Variants in HERC2 observed in about 807,000 individuals in gnomAD.
HERC2 encodes the protein HECT and RLD domain containing E3 ubiquitin protein ligase 2, also known as E3 ubiquitin-protein ligase HERC2.
A neutral mutation model predicts 537.7 loss-of-function variants in HERC2; 102 were observed. The observed-to-expected ratio is 0.19, with a 90% CI of 0.16 to 0.22. The LOEUF (loss-of-function observed/expected upper bound fraction) is 0.22, where lower values mean the gene tolerates loss of function less well. Among genes scored for constraint, HERC2 ranks in the 10% least tolerant of loss-of-function variants. The pLI is 1.00. For missense variants in HERC2, 4,236 were observed against 6,198.2 expected, an observed-to-expected ratio of 0.68 and a Z score of 10.63; for synonymous variants, 2,224 against 2,466.2, an observed-to-expected ratio of 0.90 and a Z score of 2.91.
At chr15:28,244,493 G>A (rs895279597) in intron 23 of HERC2, among the ~76,000 whole-genome samples, 10 of 152,166 alleles carry the variant, frequency 6.6e-5, no homozygotes, top group African/African-American at 2.2e-4. Flanking sequence ...GAGTTTGGGA[G>A]GGTCCTGCCA....
intron 38 of HERC2, among the ~76,000 whole-genome samples, chr15:28,217,085 C>T (rs918909140): frequency 1.4e-4 from 21 of 152,172 alleles, no homozygotes; most frequent in Non-Finnish European, 2.8e-4. Flanking sequence ...CACAAATGCT[C>T]GCACTCAATC....
chr15:28,313,152 T>C (rs1456078666), intron 2 of HERC2, among the ~76,000 whole-genome samples: 2 of 147,714 alleles, frequency 1.4e-5, no homozygotes, highest in South Asian at 2.2e-4. Context: ...CCACCAATAT[T>C]TTAATACCAA....
intron 2 of HERC2, among the ~76,000 whole-genome samples, chr15:28,301,733 GTGTATA>G (rs1198708423): frequency 0.04 from 1,223 of 30,868 alleles, 54 homozygotes; most frequent in East Asian, 0.17. Flanking sequence ...TTGTATGTAT[GTGTATA>G]TATATATATA....
At position 28,163,227 on chromosome 15, in the gene HERC2, G is replaced by C. The variant is rs147074935; in HGVS notation, c.10613C>G (p.Thr3538Ser). ...GPEPQALDEF[T>S]SLLIADDTRV... Reference sequence around the variant, plus strand: ...AGTGTCATCCGCAATCAGCAGACTGGTGAACTCATCCAAGGCCTGAGGCTC... The same window carrying C: ...AGTGTCATCCGCAATCAGCAGACTGCTGAACTCATCCAAGGCCTGAGGCTC... The change falls in exon 69 of 93, where the codon ACC becomes AGC. Residue 3538 changes from threonine to serine, a missense_variant. By Grantham distance (58) the Thr-to-Ser change is moderately conservative. Coordinates refer to ENST00000261609, the MANE Select transcript of HERC2 (RefSeq NM_004667.6). The C allele has an allele frequency of 1.2e-5, 20 of 1,613,816 alleles. No homozygotes were observed. Among genetic ancestry groups the C allele is most frequent in the Middle Eastern group, 3.3e-4 (2 of 6,084 alleles).
intron 8 of HERC2, among the ~76,000 whole-genome samples, chr15:28,272,649 G>A (rs1233025594): frequency 6.7e-6 from 1 of 149,470 alleles, no homozygotes; most frequent in Non-Finnish European, 1.5e-5. Flanking sequence ...TAAATTCATG[G>A]AATAAAAATA....
intron 4 of HERC2, among the ~76,000 whole-genome samples, chr15:28,286,115 G>A (rs1327723897): frequency 4.6e-5 from 7 of 151,708 alleles, no homozygotes; most frequent in African/African-American, 1.5e-4. Flanking sequence ...GAATTAACAC[G>A]GACTCAAAAC....
intron 69 of HERC2, among the ~76,000 whole-genome samples, chr15:28,154,439 CCTTATT>C (rs1892777541): frequency 6.6e-6 from 1 of 152,208 alleles, no homozygotes. Context: ...ACGGCCGTAT[CCTTATT>C]CTTGTCTCTC....
intron 48 of HERC2, among the ~76,000 whole-genome samples, chr15:28,200,873 A>G (rs1678605461): frequency 7.0e-6 from 1 of 142,194 alleles, no homozygotes; most frequent in African/African-American, 2.7e-5. Flanking sequence ...AAATATACTA[A>G]AACAAGAGAA....
Position 28,132,672 on chromosome 15 carries a change from T to C in HERC2, c.12389A>G (p.Asp4130Gly), listed in dbSNP as rs751745989. 6.4e-7 allele frequency: 1 copy of C among 1,562,316 alleles called. No individual in the cohort carries two copies. The highest frequency in any genetic ancestry group is 8.7e-7 in the Non-Finnish European group (1 of 1,153,100). ...YGRLGHSDSE[D>G]QLKPKLVEAL... Reference sequence around the variant, plus strand: ...CCTCACCAGCTTCGGCTTCAGCTGGTCCTCACTGTCGCTGTGCCCCAGCCG... The same window carrying C: ...CCTCACCAGCTTCGGCTTCAGCTGGCCCTCACTGTCGCTGTGCCCCAGCCG... The change falls in exon 80 of 93, where the codon GAC (aspartate) becomes GGC (glycine). Residue 4130 changes from aspartate (D) to glycine (G), a missense_variant. By Grantham distance (94) the Asp-to-Gly change is moderately conservative (BLOSUM62 -1). Transcript: ENST00000261609.
Position 28,168,583 on chromosome 15 carries a change from C to T in HERC2, c.10237G>A (p.Val3413Ile), listed in dbSNP as rs1894386917. The T allele has an allele frequency of 6.2e-7, 1 of 1,613,378 alleles. No individual in the cohort carries two copies. Among genetic ancestry groups the T allele is most frequent in the South Asian group, 1.1e-5 (1 of 90,970 alleles). The change falls in exon 67 of 93, where the codon GTT becomes ATT. Residue 3413 changes from valine to isoleucine, a missense_variant. By Grantham distance (29) the Val-to-Ile change is conservative (BLOSUM62 3). Transcript: ENST00000261609. ...ALQIMYARDA[V>I]VGALMPAAMI... Reference sequence around the variant, plus strand: ...GCGGCCGGCATCAGGGCCCCGACAACAGCATCTCTGTCAGGACACAAAGCC... The same window carrying T: ...GCGGCCGGCATCAGGGCCCCGACAATAGCATCTCTGTCAGGACACAAAGCC...
At chr15:28,278,061 G>A (rs999552673) in intron 5 of HERC2, among the ~76,000 whole-genome samples, 9 of 151,178 alleles carry the variant, frequency 6.0e-5, no homozygotes, top group African/African-American at 2.2e-4. Context: ...TTCAAGACCA[G>A]CCCGGGCAAC....
intron 2 of HERC2, among the ~76,000 whole-genome samples, chr15:28,300,110 C>A (rs866447776): frequency 6.6e-6 from 1 of 150,646 alleles, no homozygotes; most frequent in African/African-American, 2.4e-5. Context: ...AACACACACA[C>A]GTGCATGTGC....
At chr15:28,272,144 A>G in intron 9 of HERC2, 71 bp downstream of exon 9, 1 of 1,356,608 alleles carries the variant, frequency 7.4e-7, no homozygotes, top group Non-Finnish European at 1.0e-6. Flanking sequence ...GTTGACATGC[A>G]TGCTAGTCTT....
chr15:28,318,204 T>C (rs190775928), intron 2 of HERC2, among the ~76,000 whole-genome samples: 4 of 152,296 alleles, frequency 2.6e-5, no homozygotes, highest in East Asian at 3.9e-4. Context: ...TCACATCAGA[T>C]TACAAGTACT....
Position 28,274,303 on chromosome 15 carries a change from G to C in HERC2, c.788C>G (p.Ser263Cys), listed in dbSNP as rs777830266. The C allele has an allele frequency of 1.7e-5, 27 of 1,614,070 alleles. No homozygotes were observed. Among genetic ancestry groups the C allele is most frequent in the Non-Finnish European group, 2.3e-5 (27 of 1,180,034 alleles). The change falls in exon 7 of 93, where the codon TCC becomes TGC. Residue 263 changes from serine to cysteine, a missense_variant. Ser to Cys is a moderately radical substitution (Grantham distance 112). Around this residue, in one of 27 missense-constraint regions of HERC2, gnomAD observed 491 missense variants for 559.3 expected, o/e 0.88. Coordinates refer to ENST00000261609, the MANE Select transcript of HERC2 (RefSeq NM_004667.6). The part of the protein sequence containing the change: ...VVERATRFLR[S>C]VVTGDVHGTP... ...GGAAAGAACTCACCCCGTCACGACG[G>C]ACCTGAGGAACCTGGTCGCTCTCTC...
chr15:28,168,622 G>A, intron 66 of HERC2, 32 bp from the exon 67 acceptor site: 1 of 1,596,148 alleles, frequency 6.3e-7, no homozygotes, highest in Non-Finnish European at 8.5e-7. Context: ...CCTGTGGTGA[G>A]CTGCCCCTTC....
chr15:28,149,916 C>G (rs1892237183), intron 70 of HERC2, among the ~76,000 whole-genome samples: 1 of 149,688 alleles, frequency 6.7e-6, no homozygotes, highest in Non-Finnish European at 1.5e-5. Flanking sequence ...TCACCAAGAA[C>G]AGCCACACGA....
chr15:28,321,587 G>C (rs1404637900), intron 1 of HERC2, 123 bp from the exon 2 acceptor site: 6 of 453,524 alleles, frequency 1.3e-5, no homozygotes, highest in Non-Finnish European at 2.2e-5. Context: ...GCTGGTGGAG[G>C]GGAGAGAAGG....
Position 28,196,508 on chromosome 15 carries a change from C to T in HERC2, c.8073G>A (p.Gly2691=), listed in dbSNP as rs745372115. 3 of 1,613,676 alleles carry T rather than the reference C, an allele frequency of 1.9e-6. No homozygotes were observed. Among genetic ancestry groups the T allele is most frequent in the African/African-American group, 2.7e-5 (2 of 75,036 alleles). Residue 2691 remains glycine (G), a synonymous_variant, in exon 51 of 93, where the codon GGG becomes GGA. Transcript: ENST00000261609. ...GTACCAACTCCATTTCTGATAGCAA[C>T]CCAGTCCAGTGAGACTGCTGGGGAA... ...VDFPQQSHWT[G]LLSEMELVPS...
Sources: gnomAD v4.1 joint callset for allele counts (sites outside exome capture counted in the v4.1 genomes callset) on GRCh38, gnomAD v4.1.1 for gene constraint, gnomAD v4.1.1 regional missense constraint, MANE v1.5 for transcripts, NCBI Gene and HGNC (gene_info 2026-07-23, HGNC 2026-07-21) for gene names.